Variants in FSIP1 observed in about 807,000 individuals in gnomAD.
FSIP1 encodes fibrous sheath-interacting protein 1.
In FSIP1, 65 loss-of-function variants were observed where a neutral mutation model predicts 60.9. The observed-to-expected ratio is 1.07, with a 90% CI of 0.87 to 1.31. The LOEUF is 1.31. FSIP1 is among the 40% of genes most tolerant of loss of function. FSIP1 has a pLI of 0.00. For synonymous variants in FSIP1, 209 were observed against 221.2 expected (o/e 0.94, Z 0.49); for missense variants, 675 against 665.5 (o/e 1.01, Z -0.16).
chr15:39,645,596 G>A (rs1321266775), intron 10 of FSIP1, among the ~76,000 whole-genome samples: 1 of 152,132 alleles, frequency 6.6e-6, no homozygotes, highest in African/African-American at 2.4e-5. Context: ...TCCCAGTTGG[G>A]AAGCAGGCAG....
chr15:39,715,320 C>T (rs909937279), intron 9 of FSIP1, among the ~76,000 whole-genome samples: 1 of 152,126 alleles, frequency 6.6e-6, no homozygotes, highest in Admixed American at 6.5e-5. Context: ...TATTCCCTGA[C>T]ATACCCACAA....
chr15:39,765,211 T>G (rs1401971839), intron 4 of FSIP1, among the ~76,000 whole-genome samples: 1 of 151,892 alleles, frequency 6.6e-6, no homozygotes, highest in Non-Finnish European at 1.5e-5. Flanking sequence ...TGGTCCATGA[T>G]TTTCTTACTC....
chr15:39,614,972 A>C (rs943446858), intron 11 of FSIP1, among the ~76,000 whole-genome samples: 6 of 152,266 alleles, frequency 3.9e-5, no homozygotes, highest in African/African-American at 1.4e-4. Flanking sequence ...CAGAAAGCCC[A>C]GTAATAAACT....
chr15:39,728,251 A>G (rs1311353684), intron 8 of FSIP1, among the ~76,000 whole-genome samples: 2 of 152,232 alleles, frequency 1.3e-5, no homozygotes, highest in Non-Finnish European at 2.9e-5. Context: ...CTATCAAACT[A>G]CCAATGACAT....
chr15:39,670,305 G>A (rs771508963), intron 10 of FSIP1, among the ~76,000 whole-genome samples: 2 of 152,194 alleles, frequency 1.3e-5, no homozygotes, highest in Non-Finnish European at 1.5e-5. Flanking sequence ...GAGCTATTCC[G>A]ATAGTGGTTA....
chr15:39,682,177 T>A (rs1894192024), intron 10 of FSIP1, among the ~76,000 whole-genome samples: 1 of 152,216 alleles, frequency 6.6e-6, no homozygotes, highest in South Asian at 2.1e-4. Context: ...TTACTTTCCA[T>A]AATTCACTTT....
chr15:39,719,232 C>T (rs1298676079), intron 9 of FSIP1, among the ~76,000 whole-genome samples: 3 of 152,170 alleles, frequency 2.0e-5, no homozygotes, highest in Admixed American at 2.0e-4. Flanking sequence ...TACTATCTGT[C>T]CTCGTGATCA....
chr15:39,644,171 T>C (rs1250442464), intron 10 of FSIP1, among the ~76,000 whole-genome samples: 1 of 152,178 alleles, frequency 6.6e-6, no homozygotes, highest in Non-Finnish European at 1.5e-5. Context: ...ATAGGCTCGA[T>C]CCTTCCAAAC....
At chr15:39,629,958 T>C (rs542981244) in intron 10 of FSIP1, among the ~76,000 whole-genome samples, 7 of 152,342 alleles carry the variant, frequency 4.6e-5, no homozygotes, top group Admixed American at 4.6e-4. Context: ...GCCATACAGT[T>C]AACTCCACAT....
intron 5 of FSIP1, among the ~76,000 whole-genome samples, chr15:39,743,617 A>G (rs940895919): frequency 1.3e-5 from 2 of 152,224 alleles, no homozygotes; most frequent in Non-Finnish European, 2.9e-5. Context: ...ATAATAGGAT[A>G]ATAGCCTCAA....
At chr15:39,722,817 C>T (rs2140580710) in intron 9 of FSIP1, among the ~76,000 whole-genome samples, 1 of 152,218 alleles carries the variant, frequency 6.6e-6, no homozygotes, top group South Asian at 2.1e-4. Flanking sequence ...GTAGTCCCAG[C>T]TTCTGGGGAC....
intron 10 of FSIP1, among the ~76,000 whole-genome samples, chr15:39,707,977 T>G (rs886316040): frequency 6.6e-6 from 1 of 152,170 alleles, no homozygotes; most frequent in African/African-American, 2.4e-5. Flanking sequence ...TTTGTCTGGT[T>G]TGAAGTACCA....
chr15:39,626,976 C>T (rs200328249), intron 10 of FSIP1, among the ~76,000 whole-genome samples: 1 of 151,922 alleles, frequency 6.6e-6, no homozygotes, highest in Admixed American at 6.6e-5. Context: ...CTGGACCCTT[C>T]CCCCCTCACC....
chr15:39,695,887 A>C (rs1363439934), intron 10 of FSIP1, among the ~76,000 whole-genome samples: 3 of 152,240 alleles, frequency 2.0e-5, no homozygotes, highest in Non-Finnish European at 4.4e-5. Context: ...TTTAATTGTC[A>C]CTGCTTATCT....
At chr15:39,777,359 C>T (rs747644178) in intron 1 of FSIP1, among the ~76,000 whole-genome samples, 3 of 152,170 alleles carry the variant, frequency 2.0e-5, no homozygotes, top group Non-Finnish European at 4.4e-5. Flanking sequence ...TCAACCCTCC[C>T]CTTCTAAAAC....
intron 1 of FSIP1, among the ~76,000 whole-genome samples, chr15:39,778,869 C>CT (rs1257227972): frequency 3.3e-5 from 5 of 151,892 alleles, no homozygotes; most frequent in Non-Finnish European, 5.9e-5. Context: ...TATGAAATCT[C>CT]TAACAGACTG....
chr15:39,750,867 C>T (rs754855987), intron 5 of FSIP1, among the ~76,000 whole-genome samples: 2 of 151,830 alleles, frequency 1.3e-5, no homozygotes, highest in African/African-American at 4.8e-5. Context: ...TTGGGAAAAA[C>T]ATTTGCAAAT....
chr15:39,732,965 C>T (rs1167294033), intron 8 of FSIP1, among the ~76,000 whole-genome samples: 3 of 152,154 alleles, frequency 2.0e-5, no homozygotes, highest in Admixed American at 1.3e-4. Context: ...CACCATCCAT[C>T]GGACTCTAGA....
At chr15:39,642,495 T>C (rs548385567) in intron 10 of FSIP1, among the ~76,000 whole-genome samples, 119 of 152,288 alleles carry the variant, frequency 7.8e-4, no homozygotes, top group Non-Finnish European at 6.3e-4. Context: ...TTTAACTGAA[T>C]TCTTTAGTGA....
Sources: allele counts gnomAD v4.1 joint callset (sites outside exome capture counted in the v4.1 genomes callset), GRCh38; gene constraint gnomAD v4.1.1; transcripts MANE v1.5; gene names NCBI Gene and HGNC (gene_info 2026-07-23, HGNC 2026-07-21).